The following CACNB4 variants were observed in gnomAD, a reference collection of about 807,000 sequenced individuals.
CACNB4 encodes calcium voltage-gated channel auxiliary subunit beta 4.
Under a neutral mutation model 71.2 loss-of-function variants are expected in CACNB4, and 32 were observed. That is an observed-to-expected ratio of 0.45 (90% CI 0.34 to 0.60). CACNB4 has a LOEUF of 0.60. Ranked by LOEUF, CACNB4 falls within the 20% of genes least tolerant of loss-of-function variation. CACNB4 has a pLI of 0.01. For synonymous variants in CACNB4, 231 were observed against 236.9 expected, an observed-to-expected ratio of 0.97 and a Z score of 0.23; for missense variants, 464 against 647.9, an observed-to-expected ratio of 0.72 and a Z score of 3.08.
At chr2:151,923,330 G>A (rs2099859424) in intron 2 of CACNB4, among the ~76,000 whole-genome samples, 1 of 152,156 alleles carries the variant, frequency 6.6e-6, no homozygotes, top group Non-Finnish European at 1.5e-5. Flanking sequence ...GTTGCATAGG[G>A]CAGGGTGTCC....
At chr2:151,917,207 A>G (rs971379732) in intron 2 of CACNB4, among the ~76,000 whole-genome samples, 5 of 152,224 alleles carry the variant, frequency 3.3e-5, no homozygotes, top group African/African-American at 1.2e-4. Flanking sequence ...CCCCTTGAAT[A>G]TCATATCCCT....
chr2:152,097,214 C>G (rs2105496200), intron 2 of CACNB4, among the ~76,000 whole-genome samples: 1 of 152,008 alleles, frequency 6.6e-6, no homozygotes, highest in South Asian at 2.1e-4. Flanking sequence ...CTTTATAGAC[C>G]CTTTTAGGAG....
intron 2 of CACNB4, among the ~76,000 whole-genome samples, chr2:151,956,028 GT>G (rs1211082112): frequency 6.6e-6 from 1 of 152,150 alleles, no homozygotes; most frequent in Non-Finnish European, 1.5e-5. Flanking sequence ...CACAATTTTT[GT>G]ACTTGAGACT....
intron 2 of CACNB4, among the ~76,000 whole-genome samples, chr2:151,987,731 G>T (rs540849144): frequency 6.6e-6 from 1 of 152,156 alleles, no homozygotes; most frequent in South Asian, 2.1e-4. Flanking sequence ...TTCTAAATTT[G>T]GAGTCATTAC....
intron 2 of CACNB4, among the ~76,000 whole-genome samples, chr2:152,059,870 T>C (rs922317445): frequency 6.6e-6 from 1 of 152,202 alleles, no homozygotes; most frequent in Non-Finnish European, 1.5e-5. Flanking sequence ...GGGAGGTGAT[T>C]GGATCTTGGG....
At chr2:151,989,648 T>C (rs74882859) in intron 2 of CACNB4, among the ~76,000 whole-genome samples, 2,120 of 152,296 alleles carry the variant, frequency 0.014, 46 homozygotes, top group African/African-American at 0.048. Context: ...CTACGTTCCA[T>C]CTTCTGATGA....
chr2:151,938,321 C>T (rs2099863436), intron 2 of CACNB4, among the ~76,000 whole-genome samples: 1 of 152,232 alleles, frequency 6.6e-6, no homozygotes, highest in African/African-American at 2.4e-5. Flanking sequence ...TAGCTATTTA[C>T]ATCTGCTATT....
chr2:152,000,745 T>C lies in CACNB4; in HGVS notation c.147+97585A>G, dbSNP rs576056532. Among the ~76,000 whole-genome samples the C allele has an allele frequency of 2.6e-5, 4 of 152,312 alleles. No homozygotes were observed. The East Asian group carries it at 7.7e-4, about 29-fold the overall frequency. ...TTAGCCACCAAATCCTCCCTCCCAGTGACAGCACTCTGTACCTACTCTCCC... is the reference window on the plus strand; with the variant it reads ...TTAGCCACCAAATCCTCCCTCCCAGCGACAGCACTCTGTACCTACTCTCCC... On this transcript the variant is annotated intron_variant, in intron 2 of 13. Coordinates refer to ENST00000539935, the MANE Select transcript of CACNB4 (RefSeq NM_000726.5).
chr2:151,971,732 GCATT>G (rs2099872606), intron 2 of CACNB4: 2 of 646,312 alleles, frequency 3.1e-6, no homozygotes, highest in East Asian at 5.4e-5. Context: ...ACTCAAATGA[GCATT>G]CAGAGTCAGT....
intron 12 of CACNB4, 42 bp downstream of exon 12, chr2:151,853,405 TA>T: frequency 8.4e-7 from 1 of 1,190,070 alleles, no homozygotes; most frequent in Non-Finnish European, 1.2e-6. Flanking sequence ...CACCCTCTTC[TA>T]ACTAGTCAAG....
intron 10 of CACNB4, chr2:151,857,490 G>A (rs1296338552): frequency 6.6e-6 from 1 of 152,048 alleles, no homozygotes. Context: ...TCTCTCACAT[G>A]GCAGAAACAG....
intron 9 of CACNB4, among the ~76,000 whole-genome samples, chr2:151,863,008 A>G (rs574299528): frequency 6.6e-6 from 1 of 152,032 alleles, no homozygotes; most frequent in East Asian, 1.9e-4. Flanking sequence ...GCTTTCAGGC[A>G]TGAAGTCTCA....
At chr2:152,066,291 A>G (rs1264075898) in intron 2 of CACNB4, among the ~76,000 whole-genome samples, 3 of 152,178 alleles carry the variant, frequency 2.0e-5, no homozygotes, top group Non-Finnish European at 4.4e-5. Flanking sequence ...TGCATTTGCA[A>G]CCCAGAAGAA....
intron 2 of CACNB4, among the ~76,000 whole-genome samples, chr2:151,916,761 T>C (rs1217297973): frequency 6.6e-6 from 1 of 152,224 alleles, no homozygotes; most frequent in Non-Finnish European, 1.5e-5. Context: ...AGAACAGTGG[T>C]TCCCAGCTGG....
At chr2:152,074,136 C>T (rs958607918) in intron 2 of CACNB4, among the ~76,000 whole-genome samples, 6 of 151,988 alleles carry the variant, frequency 3.9e-5, no homozygotes, top group Admixed American at 3.3e-4. Context: ...GGCTATGAAT[C>T]CCAACAGGCA....
At chr2:152,062,547 A>T (rs1273016526) in intron 2 of CACNB4, among the ~76,000 whole-genome samples, 3 of 152,224 alleles carry the variant, frequency 2.0e-5, no homozygotes, top group African/African-American at 7.2e-5. Context: ...GTACATACAC[A>T]GAATGGGCAA....
At chr2:151,966,485 T>C (rs2099871153) in intron 2 of CACNB4, among the ~76,000 whole-genome samples, 1 of 152,126 alleles carries the variant, frequency 6.6e-6, no homozygotes, top group South Asian at 2.1e-4. Flanking sequence ...TTCACCATCT[T>C]GGCCAGGCTG....
chr2:151,898,617 T>A (rs1282211674), intron 2 of CACNB4, among the ~76,000 whole-genome samples: 5 of 152,248 alleles, frequency 3.3e-5, no homozygotes, highest in African/African-American at 9.6e-5. Flanking sequence ...AGCTATTTTT[T>A]AAAAATTCTA....
intron 2 of CACNB4, among the ~76,000 whole-genome samples, chr2:151,979,431 C>T (rs1199365926): frequency 6.6e-6 from 1 of 150,882 alleles, no homozygotes; most frequent in Non-Finnish European, 1.5e-5. Context: ...TGACTTATTA[C>T]TCAGAAAGCT....
Sources: gnomAD v4.1 joint callset for allele counts (sites outside exome capture counted in the v4.1 genomes callset) on GRCh38, gnomAD v4.1.1 for gene constraint, MANE v1.5 for transcripts, NCBI Gene and HGNC (gene_info 2026-07-23, HGNC 2026-07-21) for gene names.